SKOR1: variants seen among roughly 807,000 people sequenced by gnomAD.
SKOR1 encodes SKI family transcriptional corepressor 1.
Under a neutral mutation model 72.4 loss-of-function variants are expected in SKOR1, and 38 were observed. The observed-to-expected ratio is 0.52, with a 90% CI of 0.40 to 0.69. The LOEUF (loss-of-function observed/expected upper bound fraction) is 0.69, where lower values mean the gene tolerates loss of function less well. Among genes scored for constraint, SKOR1 ranks in the 30% least tolerant of loss-of-function variants. The pLI is 0.00. For synonymous variants in SKOR1, 642 were observed against 599.4 expected (o/e 1.07, Z -1.04); for missense variants, 1,320 against 1,343.2 (o/e 0.98, Z 0.27).
chr15:67,833,950 C>T lies in SKOR1; in HGVS notation c.*114C>T, dbSNP rs899165547. On this transcript the variant is annotated 3_prime_UTR_variant, in exon 9 of 9. Coordinates refer to ENST00000380035, the MANE Select transcript of SKOR1 (RefSeq NM_001365915.1). The surrounding 1 kb of genome is among the most constrained non-coding windows in gnomAD (Gnocchi z 6.0). ...CATTCGGACCCGACCGATGTAAATACAGCCGCCCGTCCGCCCGCCTTCCTC... is the reference window on the plus strand; with the variant it reads ...CATTCGGACCCGACCGATGTAAATATAGCCGCCCGTCCGCCCGCCTTCCTC... 4.3e-6 allele frequency: 5 copies of T among 1,170,674 alleles called. No individual in the cohort carries two copies. In the African/African-American group the frequency reaches 6.0e-5, roughly 14 times the overall value. The allele number at this position is 1,170,674 out of a possible 1,614,324, so 72.5% of individuals were successfully genotyped here.
rs752820347 is a variant in SKOR1 at position 67,827,176 on chromosome 15, G to A, written c.1348G>A (p.Ala450Thr). Residue 450 changes from alanine to threonine, a missense_variant, in exon 2 of 9, where the codon GCA (alanine) becomes ACA (threonine). Physicochemically the swap from Ala to Thr is moderately conservative, Grantham distance 58. This residue lies in a region of SKOR1 where 1,099 missense variants were observed against 1,025.5 expected (regional missense o/e 1.07). Coordinates refer to ENST00000380035, the MANE Select transcript of SKOR1 (RefSeq NM_001365915.1). ...GGGAGCCAGCCACTTGCCCCCGGGG[G>A]CAGGGGCGGGCCCGGGCGGCGGCGC... ...GPGASHLPPG[A>T]GAGPGGGAMF... The A allele has an allele frequency of 8.8e-6, 12 of 1,367,540 alleles. No homozygotes were observed. The highest frequency in any genetic ancestry group is 2.0e-4 in the Middle Eastern group (1 of 5,056). 84.7% of individuals were successfully genotyped at this position (1,367,540 alleles called of 1,614,324 possible).
chr15:67,827,330 C>T lies in SKOR1; in HGVS notation c.1502C>T (p.Pro501Leu), dbSNP rs759900810. 3 of 1,589,498 alleles carry T rather than the reference C, an allele frequency of 1.9e-6. No individual in the cohort carries two copies. Among genetic ancestry groups the T allele is most frequent in the Admixed American group, 3.4e-5 (2 of 59,446 alleles). ...FWPAAGSLPV[P>L]SYPAAQSQAK... ...CCAGCAGCAGGCAGCCTCCCGGTAC[C>T]GTCCTACCCCGCTGCTCAGAGCCAA... The change falls in exon 2 of 9, where the codon CCG becomes CTG. Residue 501 changes from proline to leucine, a missense_variant. Physicochemically the swap from Pro to Leu is moderately conservative, Grantham distance 98. This residue lies in a region of SKOR1 where 1,099 missense variants were observed against 1,025.5 expected (regional missense o/e 1.07). Transcript: ENST00000380035.
chr15:67,831,903 C>CCGGGGGGGGGGGGGGG (rs1476265010), intron 5 of SKOR1, among the ~76,000 whole-genome samples: 8 of 28,750 alleles, frequency 2.8e-4, no homozygotes, highest in African/African-American at 1.1e-3. Flanking sequence ...GGCGGCGGTG[C>CCGGGGGGGGGGGGGGG]GGGGGGGGGA....
intron 3 of SKOR1, 38 bp downstream of exon 3, chr15:67,829,307 G>A: frequency 6.7e-7 from 1 of 1,490,324 alleles, no homozygotes; most frequent in Non-Finnish European, 9.0e-7. Flanking sequence ...TGTAATGGGG[G>A]AACCGCAGAC....
At chr15:67,831,037 AAGTAAG>A in intron 5 of SKOR1, 148 bp downstream of exon 5, 1 of 770,534 alleles carries the variant, frequency 1.3e-6, no homozygotes, top group Non-Finnish European at 2.2e-6. Flanking sequence ...TTTGGGTGGA[AAGTAAG>A]ATCCTCTGGA....
rs1206210605 is a variant in SKOR1 at position 67,825,923 on chromosome 15, C to G, written c.108-13C>G. ...AAATGGCTCATCTGCTCTCTGCTTTCTCTATTTCGCAGGAGCGGCGGCATG... is the reference window on the plus strand; with the variant it reads ...AAATGGCTCATCTGCTCTCTGCTTTGTCTATTTCGCAGGAGCGGCGGCATG... On this transcript the variant is annotated splice_polypyrimidine_tract_variant and intron_variant, in intron 1 of 8. Transcript: ENST00000380035. The surrounding 1 kb of genome is among the most constrained non-coding windows in gnomAD (Gnocchi z 5.6). 2 of 1,512,850 alleles carry G rather than the reference C, an allele frequency of 1.3e-6. No individual in the cohort carries two copies. The highest frequency in any genetic ancestry group is 4.5e-5 in the East Asian group (2 of 44,022). The allele number at this position is 1,512,850 out of a possible 1,614,324, so 93.7% of individuals were successfully genotyped here. A position where few individuals can be genotyped will look rare whatever the true frequency, so the allele number is the denominator to read the frequency against.
Position 67,825,557 on chromosome 15 carries a change from G to T in SKOR1, c.-46G>T. The T allele has an allele frequency of 1.4e-6, 1 of 724,486 alleles. No homozygotes were observed. The highest frequency in any genetic ancestry group is 2.7e-5 in the East Asian group (1 of 37,658). The allele number at this position is 724,486 out of a possible 1,614,324, so 44.9% of individuals were successfully genotyped here. ...GCCGGCAGCACCGGCTGCGAGGGTT[G>T]CCGAAGGCGCACGGATCTGGGCGCT... On this transcript the variant is annotated 5_prime_UTR_variant, in exon 1 of 9. Coordinates refer to ENST00000380035, the MANE Select transcript of SKOR1 (RefSeq NM_001365915.1). This position sits in a 1 kb window ranked among gnomAD's most constrained non-coding sequence, Gnocchi z 5.6.
At position 67,826,687 on chromosome 15, in the gene SKOR1, G is replaced by A; in HGVS notation, c.859G>A (p.Gly287Arg). ...GACCTTCTCCCTACAAGGAGGCGGC[G>A]GAGGCGGTGCCAATGGCGGGTCGGG... Reference protein sequence around the residue: ...KRTFSLQGGGGGGANGGSGGQ... With the variant: ...KRTFSLQGGGRGGANGGSGGQ... Residue 287 changes from glycine (G) to arginine (R), a missense_variant, in exon 2 of 9, where the codon GGA becomes AGA. By Grantham distance (125) the Gly-to-Arg change is moderately radical (BLOSUM62 -2). Around this residue, in one of 3 missense-constraint regions of SKOR1, gnomAD observed 1,099 missense variants for 1,025.5 expected, o/e 1.07. Transcript: ENST00000380035. 6.3e-7 allele frequency: 1 copy of A among 1,575,916 alleles called. No individual in the cohort carries two copies.
In SKOR1 at chr15:67,827,379, G is replaced by GGCGGCGGCA. The variant is rs1020954921; in HGVS notation, c.1560_1568dup (p.Ala526_Ala528dup). The GGCGGCGGCA allele has an allele frequency of 1.2e-5, 19 of 1,559,674 alleles. No individual in the cohort carries two copies. The highest frequency in any genetic ancestry group is 1.5e-5 in the Non-Finnish European group (18 of 1,162,428). On this transcript the variant is annotated inframe_insertion, in exon 2 of 9. Coordinates refer to ENST00000380035, the MANE Select transcript of SKOR1 (RefSeq NM_001365915.1). Reference sequence around the variant, plus strand: ...AAGCCAAGGCCGTGGCGGCAGCCGTGGCGGCGGCAGCGGCGGCGGCAGCGG... The same window carrying GGCGGCGGCA: ...AAGCCAAGGCCGTGGCGGCAGCCGTGGCGGCGGCAGCGGCGGCAGCGGCGGCGGCAGCGG...
Position 67,829,197 on chromosome 15 carries a change from G to T in SKOR1, c.2335G>T (p.Asp779Tyr). The T allele has an allele frequency of 6.4e-7, 1 of 1,572,042 alleles. No individual in the cohort carries two copies. The highest frequency in any genetic ancestry group is 8.6e-7 in the Non-Finnish European group (1 of 1,166,112). The change falls in exon 3 of 9, where the codon GAT (aspartate) becomes TAT (tyrosine). Residue 779 changes from aspartate to tyrosine, a missense_variant. Physicochemically the swap from Asp to Tyr is radical, Grantham distance 160. Transcript: ENST00000380035. ...APAKVFAPERDEHVKSAAVAL... is the reference protein window; with the variant it reads ...APAKVFAPERYEHVKSAAVAL... ...GTCGCAGGTGTTCGCGCCCGAGAGG[G>T]ATGAGCACGTGAAGAGCGCGGCGGT...
chr15:67,828,662 C>A (rs1377984630), intron 2 of SKOR1, among the ~76,000 whole-genome samples: 1 of 152,146 alleles, frequency 6.6e-6, no homozygotes, highest in Non-Finnish European at 1.5e-5. Flanking sequence ...CCTTGGGAAC[C>A]ACAGGGTTCG....
chr15:67,833,879 C>T lies in SKOR1; in HGVS notation c.*43C>T, dbSNP rs1057477119. 3.8e-6 allele frequency: 6 copies of T among 1,575,364 alleles called. No homozygotes were observed. In the African/African-American group the frequency reaches 4.0e-5, roughly 11 times the overall value. On this transcript the variant is annotated 3_prime_UTR_variant, in exon 9 of 9. Transcript: ENST00000380035. The surrounding 1 kb of genome is among the most constrained non-coding windows in gnomAD (Gnocchi z 6.0). ...CCCTGCGCCCTCAAGCCATGCTGCT[C>T]CTTGTAAATACCCGCTGCTGCGGTG...
Position 67,826,328 on chromosome 15 carries a change from T to G in SKOR1, c.500T>G (p.Leu167Arg). The change falls in exon 2 of 9, where the codon CTG becomes CGG. Residue 167 changes from leucine to arginine, a missense_variant. Physicochemically the swap from Leu to Arg is moderately radical, Grantham distance 102. Transcript: ENST00000380035. ...GCCGAACGCCTGTGCAAGTCGTTCCTGGGCGAGCACAAACCACCCAAGCTG... is the reference window on the plus strand; with the variant it reads ...GCCGAACGCCTGTGCAAGTCGTTCCGGGGCGAGCACAAACCACCCAAGCTG... Reference protein sequence around the residue: ...REAERLCKSFLGEHKPPKLPE... With the variant: ...REAERLCKSFRGEHKPPKLPE... 6.2e-7 allele frequency: 1 copy of G among 1,613,614 alleles called. No homozygotes were observed. Among genetic ancestry groups the G allele is most frequent in the Non-Finnish European group, 8.5e-7 (1 of 1,180,016 alleles).
chr15:67,828,838 C>T (rs2090986089), intron 2 of SKOR1, among the ~76,000 whole-genome samples: 1 of 152,160 alleles, frequency 6.6e-6, no homozygotes, highest in Non-Finnish European at 1.5e-5. Flanking sequence ...GAATCATTAA[C>T]CGGATGCGAA....
At position 67,827,458 on chromosome 15, in the gene SKOR1, G is replaced by A; in HGVS notation, c.1630G>A (p.Glu544Lys). ...EPLDGAEPAK[E>K]SGLGAEERCP... ...CCTGGACGGTGCCGAGCCAGCCAAAGAGAGTGGCCTCGGCGCGGAGGAGCG... is the reference window on the plus strand; with the variant it reads ...CCTGGACGGTGCCGAGCCAGCCAAAAAGAGTGGCCTCGGCGCGGAGGAGCG... The change falls in exon 2 of 9, where the codon GAG (glutamate) becomes AAG (lysine). Residue 544 changes from glutamate to lysine, a missense_variant. Physicochemically the swap from Glu to Lys is moderately conservative, Grantham distance 56. Coordinates refer to ENST00000380035, the MANE Select transcript of SKOR1 (RefSeq NM_001365915.1). 5 of 1,522,604 alleles carry A rather than the reference G, an allele frequency of 3.3e-6. No individual in the cohort carries two copies. The highest frequency in any genetic ancestry group is 2.6e-6 in the Non-Finnish European group (3 of 1,141,990). The allele number at this position is 1,522,604 out of a possible 1,614,324, so 94.3% of individuals were successfully genotyped here.
In SKOR1 at chr15:67,826,317, C is replaced by T. The variant is rs781264760; in HGVS notation, c.489C>T (p.Cys163=). The change falls in exon 2 of 9, where the codon TGC becomes TGT. Residue 163 remains cysteine, a synonymous_variant. Coordinates refer to ENST00000380035, the MANE Select transcript of SKOR1 (RefSeq NM_001365915.1). ...CTAAGCGAGAGGCCGAACGCCTGTG[C>T]AAGTCGTTCCTGGGCGAGCACAAAC... ...MITKREAERL[C]KSFLGEHKPP... is the part of the protein sequence containing the mutation. The T allele has an allele frequency of 1.9e-6, 3 of 1,613,564 alleles. No homozygotes were observed. In the Admixed American group the frequency reaches 5.0e-5, roughly 27 times the overall value.
Position 67,827,469 on chromosome 15 carries a change from C to T in SKOR1, c.1641C>T (p.Leu547=), listed in dbSNP as rs1241628283. The part of the protein sequence containing the change: ...DGAEPAKESG[L]GAEERCPSAL... ...CCGAGCCAGCCAAAGAGAGTGGCCT[C>T]GGCGCGGAGGAGCGCTGCCCGAGCG... The change falls in exon 2 of 9, where the codon CTC becomes CTT. Residue 547 remains leucine, a synonymous_variant. Coordinates refer to ENST00000380035, the MANE Select transcript of SKOR1 (RefSeq NM_001365915.1). The T allele has an allele frequency of 3.3e-6, 5 of 1,521,588 alleles. No individual in the cohort carries two copies. The South Asian group carries it at 3.6e-5, about 11-fold the overall frequency. The allele number at this position is 1,521,588 out of a possible 1,614,324, so 94.3% of individuals were successfully genotyped here.
At position 67,826,856 on chromosome 15, in the gene SKOR1, A is replaced by C; in HGVS notation, c.1028A>C (p.His343Pro). 2.0e-6 allele frequency: 3 copies of C among 1,529,340 alleles called. No individual in the cohort carries two copies. Among genetic ancestry groups the C allele is most frequent in the Non-Finnish European group, 2.6e-6 (3 of 1,141,952 alleles). The allele number at this position is 1,529,340 out of a possible 1,614,324, so 94.7% of individuals were successfully genotyped here. A position where few individuals can be genotyped will look rare whatever the true frequency, so the allele number is the denominator to read the frequency against. ...GGGCCTCCGGGGCCACCTCCACCCC[A>C]CCCGCAGCGCGGACTTGGCCTGGCG... ...AAGPPGPPPP[H>P]PQRGLGLATG... The change falls in exon 2 of 9, where the codon CAC becomes CCC. Residue 343 changes from histidine to proline, a missense_variant. By Grantham distance (77) the His-to-Pro change is moderately conservative. Transcript: ENST00000380035.
In SKOR1 at chr15:67,827,851, C is replaced by T. The variant is rs755913013; in HGVS notation, c.2023C>T (p.Gln675Ter). The change falls in exon 2 of 9, where the codon CAA (glutamine) becomes TAA (stop). Residue 675 changes from glutamine (Q) to a stop codon, truncating the protein, a stop_gained. Transcript: ENST00000380035. LOFTEE classifies it high-confidence loss of function. ...SNRFPDDEDA[Q>*]EETEPSAPSA... is the part of the protein sequence containing the mutation. ...CCGCTTCCCCGACGACGAGGACGCC[C>T]AAGAGGAGACCGAGCCCAGCGCACC... is the stretch of plus-strand genomic sequence containing the variant. 6.3e-7 allele frequency: 1 copy of T among 1,599,832 alleles called. No individual in the cohort carries two copies. Among genetic ancestry groups the T allele is most frequent in the Non-Finnish European group, 8.5e-7 (1 of 1,174,094 alleles).
Sources: gnomAD v4.1 joint callset for allele counts (sites outside exome capture counted in the v4.1 genomes callset) on GRCh38, gnomAD v4.1.1 for gene constraint, gnomAD v4.1.1 regional missense constraint, Gnocchi (gnomAD v3.1) non-coding constraint, MANE v1.5 for transcripts, NCBI Gene and HGNC (gene_info 2026-07-23, HGNC 2026-07-21) for gene names.